TYW1: variants seen among roughly 807,000 people sequenced by gnomAD.
TYW1 encodes the protein S-adenosyl-L-methionine-dependent tRNA 4-demethylwyosine synthase TYW1.
In TYW1, 46 loss-of-function variants were observed where a neutral mutation model predicts 96.2. That is an observed-to-expected ratio of 0.48 (90% CI 0.38 to 0.61). The LOEUF (loss-of-function observed/expected upper bound fraction) is 0.61, where lower values mean the gene tolerates loss of function less well. Among genes scored for constraint, TYW1 ranks in the 20% least tolerant of loss-of-function variants. The pLI is 0.00. For synonymous variants in TYW1, 274 were observed against 323.0 expected (o/e 0.85, Z 1.63); for missense variants, 684 against 909.6 (o/e 0.75, Z 3.19).
chr7:67,046,565 A>C (rs929014143), intron 7 of TYW1, among the ~76,000 whole-genome samples: 2 of 152,180 alleles, frequency 1.3e-5, no homozygotes, highest in African/African-American at 4.8e-5. Context: ...TAAATGAATA[A>C]ATACACAAAA....
At chr7:67,228,423 C>T (rs1801634559) in intron 15 of TYW1, among the ~76,000 whole-genome samples, 1 of 152,168 alleles carries the variant, frequency 6.6e-6, no homozygotes, top group Admixed American at 6.5e-5. Flanking sequence ...ATTCAATTAC[C>T]TCCTACCTGG....
At chr7:67,157,816 A>G (rs1484241349) in intron 13 of TYW1, among the ~76,000 whole-genome samples, 1 of 152,108 alleles carries the variant, frequency 6.6e-6, no homozygotes, top group East Asian at 1.9e-4. Flanking sequence ...ATGTCCCTTG[A>G]TTAGGATTTT....
At chr7:67,053,370 T>A (rs1795420862) in intron 8 of TYW1, among the ~76,000 whole-genome samples, 1 of 149,736 alleles carries the variant, frequency 6.7e-6, no homozygotes, top group African/African-American at 2.5e-5. Flanking sequence ...TCATTTGGGA[T>A]AGTTTGTTTC....
At chr7:67,160,655 G>A (rs963393184) in intron 13 of TYW1, among the ~76,000 whole-genome samples, 1 of 149,324 alleles carries the variant, frequency 6.7e-6, no homozygotes, top group African/African-American at 2.5e-5. Flanking sequence ...GCAGTGATGC[G>A]ATTTCGGCTC....
intron 7 of TYW1, among the ~76,000 whole-genome samples, chr7:67,040,169 G>T (rs568977991): frequency 6.6e-6 from 1 of 150,838 alleles, no homozygotes. Context: ...TGTTGGCCAG[G>T]GTAATTTTGA....
chr7:67,130,745 T>A (rs1343167675), intron 13 of TYW1, among the ~76,000 whole-genome samples: 1 of 152,202 alleles, frequency 6.6e-6, no homozygotes, highest in East Asian at 1.9e-4. Context: ...TAATATTTTT[T>A]AATATGGATT....
At chr7:67,218,605 G>A (rs79482594) in intron 15 of TYW1, among the ~76,000 whole-genome samples, 5 of 152,000 alleles carry the variant, frequency 3.3e-5, no homozygotes, top group East Asian at 1.9e-4. Context: ...TGCCCACCTC[G>A]GCCTTCCAAA....
intron 14 of TYW1, among the ~76,000 whole-genome samples, chr7:67,190,221 T>TC (rs1267917289): frequency 6.6e-6 from 1 of 152,250 alleles, no homozygotes; most frequent in African/African-American, 2.4e-5. Flanking sequence ...TTCTTGTATG[T>TC]AGCAGTCCCT....
intron 13 of TYW1, among the ~76,000 whole-genome samples, chr7:67,159,235 C>CT (rs1799080577): frequency 6.6e-6 from 1 of 152,126 alleles, no homozygotes; most frequent in Non-Finnish European, 1.5e-5. Context: ...AACCCATCTA[C>CT]TATTAAATAG....
At chr7:67,089,645 A>G (rs1796653957) in intron 11 of TYW1, among the ~76,000 whole-genome samples, 1 of 152,194 alleles carries the variant, frequency 6.6e-6, no homozygotes, top group Non-Finnish European at 1.5e-5. Flanking sequence ...AACTGGAGCT[A>G]CGTGGCCAGT....
chr7:67,015,255 C>T (rs1202880311), intron 5 of TYW1, among the ~76,000 whole-genome samples: 3 of 152,160 alleles, frequency 2.0e-5, no homozygotes, highest in Non-Finnish European at 4.4e-5. Context: ...CCACCCACCT[C>T]GGCCTCCCAG....
intron 13 of TYW1, among the ~76,000 whole-genome samples, chr7:67,123,113 T>C (rs1324886030): frequency 1.3e-5 from 2 of 152,326 alleles, no homozygotes; most frequent in South Asian, 2.1e-4. Flanking sequence ...TCCCTTCTTA[T>C]TGACCTATTT....
intron 13 of TYW1, among the ~76,000 whole-genome samples, chr7:67,170,415 T>C (rs1563053432): frequency 6.6e-6 from 1 of 152,242 alleles, no homozygotes; most frequent in South Asian, 2.1e-4. Context: ...TTTGGGTTCC[T>C]ATGCATTTCC....
chr7:67,151,257 CA>C (rs1798790796), intron 13 of TYW1, among the ~76,000 whole-genome samples: 1 of 152,112 alleles, frequency 6.6e-6, no homozygotes, highest in South Asian at 2.1e-4. Context: ...TCATGTTGGC[CA>C]GGCTGGTCTT....
chr7:67,230,670 T>TTTTTTTTG (rs58396277), intron 15 of TYW1, among the ~76,000 whole-genome samples: 1 of 145,482 alleles, frequency 6.9e-6, no homozygotes, highest in African/African-American at 2.5e-5. Flanking sequence ...TTTTTTTTTT[T>TTTTTTTTG]GAGGCGGAGT....
intron 15 of TYW1, among the ~76,000 whole-genome samples, chr7:67,200,886 A>G (rs943735622): frequency 6.6e-6 from 1 of 152,158 alleles, no homozygotes; most frequent in Admixed American, 6.5e-5. Context: ...GGTCCAAGGA[A>G]AAGCACGGAG....
At chr7:67,116,563 C>T (rs1327955520) in intron 12 of TYW1, among the ~76,000 whole-genome samples, 1 of 151,866 alleles carries the variant, frequency 6.6e-6, no homozygotes, top group Non-Finnish European at 1.5e-5. Flanking sequence ...GTGGCACATG[C>T]ATGTGGTCCC....
At chr7:67,197,326 CTT>C (rs35406844) in intron 15 of TYW1, among the ~76,000 whole-genome samples, 288 of 142,470 alleles carry the variant, frequency 2.0e-3, no homozygotes, top group East Asian at 7.2e-3. Context: ...AGACCTCTGT[CTT>C]TTTTTTTTTT....
chr7:67,142,909 C>T (rs1167491399), intron 13 of TYW1, among the ~76,000 whole-genome samples: 3 of 151,930 alleles, frequency 2.0e-5, no homozygotes, highest in East Asian at 3.9e-4. Flanking sequence ...AAAAATTAGC[C>T]GGGCGTGGTG....
Sources: allele counts gnomAD v4.1 joint callset (sites outside exome capture counted in the v4.1 genomes callset), GRCh38; gene constraint gnomAD v4.1.1; transcripts MANE v1.5; gene names NCBI Gene and HGNC (gene_info 2026-07-23, HGNC 2026-07-21).